Variants in MYRIP observed in about 807,000 individuals in gnomAD.
The protein encoded by MYRIP is myosin VIIA and Rab interacting protein.
A neutral mutation model predicts 98.0 loss-of-function variants in MYRIP; 49 were observed. The ratio of observed to expected loss-of-function variants is 0.50; its 90% CI spans 0.40 to 0.63. MYRIP has a LOEUF of 0.63. MYRIP is among the 30% of genes least tolerant of loss of function. The probability of loss-of-function intolerance (pLI) is 0.00; values close to 1 mark genes in which losing one functional copy is unlikely to be tolerated. For missense variants in MYRIP, 1,004 were observed against 1,058.2 expected (o/e 0.95, Z 0.71); for synonymous variants, 404 against 409.5 (o/e 0.99, Z 0.16).
chr3:39,817,928 A>T (rs1940974219), intron 1 of MYRIP, among the ~76,000 whole-genome samples: 1 of 152,198 alleles, frequency 6.6e-6, no homozygotes, highest in African/African-American at 2.4e-5. Flanking sequence ...TTCTCTGGTA[A>T]CAAGTATCCT....
intron 1 of MYRIP, among the ~76,000 whole-genome samples, chr3:39,875,603 G>T (rs1200396848): frequency 2.2e-4 from 33 of 151,500 alleles, no homozygotes; most frequent in Non-Finnish European, 4.4e-4. Flanking sequence ...TATGTACCCA[G>T]TAGTCATTCA....
chr3:40,105,756 A>T (rs1445372496), intron 3 of MYRIP, among the ~76,000 whole-genome samples: 1 of 152,156 alleles, frequency 6.6e-6, no homozygotes, highest in Admixed American at 6.5e-5. Flanking sequence ...CCTTCTTCAC[A>T]TGGCAGCAGA....
In MYRIP at chr3:39,990,020, G is replaced by A. The variant is rs114835657; in HGVS notation, c.111-54030G>A. Among the ~76,000 whole-genome samples the A allele has an allele frequency of 9.3e-3, 1,421 of 152,314 alleles. 22 individuals are homozygous for A. The highest frequency in any genetic ancestry group is 0.031 in the African/African-American group (1,307 of 41,560). On this transcript the variant is annotated intron_variant, in intron 2 of 16. Transcript: ENST00000302541. ...TAGACAGCAGGCAACTGCAGCTGTG[G>A]TGCTGATCACCCTCCCCCAGGAGCT...
chr3:40,246,854 G>A (rs1164058657), intron 13 of MYRIP, among the ~76,000 whole-genome samples: 1 of 152,092 alleles, frequency 6.6e-6, no homozygotes, highest in East Asian at 1.9e-4. Context: ...GAGAATGAAA[G>A]GGCACAATTC....
intron 2 of MYRIP, among the ~76,000 whole-genome samples, chr3:39,969,343 G>A (rs1263158536): frequency 6.6e-6 from 1 of 151,954 alleles, no homozygotes. Flanking sequence ...CCCTGACTAG[G>A]ACTTCCAATA....
At chr3:39,909,262 T>A (rs1335346611) in intron 2 of MYRIP, among the ~76,000 whole-genome samples, 1 of 152,200 alleles carries the variant, frequency 6.6e-6, no homozygotes, top group Non-Finnish European at 1.5e-5. Flanking sequence ...CTAGAAGGTA[T>A]CTCACAAGAT....
chr3:39,885,046 C>A (rs1222664757), intron 1 of MYRIP, among the ~76,000 whole-genome samples: 1 of 151,152 alleles, frequency 6.6e-6, no homozygotes, highest in African/African-American at 2.4e-5. Context: ...CATAGACTTA[C>A]CAGCATGATA....
intron 2 of MYRIP, among the ~76,000 whole-genome samples, chr3:40,017,527 T>C (rs564523599): frequency 6.6e-6 from 1 of 152,168 alleles, no homozygotes; most frequent in Non-Finnish European, 1.5e-5. Flanking sequence ...ATCTAATTAC[T>C]CATATTTGTA....
intron 2 of MYRIP, among the ~76,000 whole-genome samples, chr3:39,914,416 T>A (rs1944103587): frequency 6.6e-6 from 1 of 152,108 alleles, no homozygotes; most frequent in African/African-American, 2.4e-5. Context: ...GCCATATTAT[T>A]ACCAAAATGT....
intron 3 of MYRIP, among the ~76,000 whole-genome samples, chr3:40,107,610 G>T (rs1171054012): frequency 1.3e-5 from 2 of 152,102 alleles, no homozygotes; most frequent in Non-Finnish European, 2.9e-5. Context: ...CAGGTATAAG[G>T]CCCATGGTCT....
chr3:40,035,214 A>G (rs1473242822), intron 2 of MYRIP, among the ~76,000 whole-genome samples: 1 of 151,948 alleles, frequency 6.6e-6, no homozygotes, highest in Non-Finnish European at 1.5e-5. Flanking sequence ...CCTAAAACTT[A>G]AAGTATAATA....
At chr3:39,967,317 C>G (rs1418997788) in intron 2 of MYRIP, among the ~76,000 whole-genome samples, 1 of 152,104 alleles carries the variant, frequency 6.6e-6, no homozygotes, top group Non-Finnish European at 1.5e-5. Context: ...TCACTTAGCA[C>G]CCATTCATAA....
intron 1 of MYRIP, among the ~76,000 whole-genome samples, chr3:39,892,239 G>T (rs992783671): frequency 2.6e-5 from 4 of 152,162 alleles, no homozygotes; most frequent in South Asian, 2.1e-4. Context: ...GTGAAAACTG[G>T]TGAGAACCTG....
At chr3:40,039,618 C>T (rs1413375613) in intron 2 of MYRIP, among the ~76,000 whole-genome samples, 1 of 151,914 alleles carries the variant, frequency 6.6e-6, no homozygotes, top group East Asian at 1.9e-4. Context: ...ATATTGACCA[C>T]CAGGGATGGT....
At chr3:40,207,852 A>G (rs912760418) in intron 10 of MYRIP, among the ~76,000 whole-genome samples, 3 of 152,220 alleles carry the variant, frequency 2.0e-5, no homozygotes, top group Admixed American at 1.3e-4. Flanking sequence ...TTTCAATAAT[A>G]TAACCAATTT....
At chr3:40,244,369 G>T (rs923862935) in intron 12 of MYRIP, 77 bp from the exon 13 acceptor site, 5 of 1,356,682 alleles carry the variant, frequency 3.7e-6, no homozygotes, top group Non-Finnish European at 5.0e-6. Flanking sequence ...CCCCTGAATT[G>T]CTGGGGTCCC....
intron 2 of MYRIP, among the ~76,000 whole-genome samples, chr3:40,023,622 G>A (rs1207606600): frequency 2.0e-5 from 3 of 152,082 alleles, no homozygotes; most frequent in Non-Finnish European, 4.4e-5. Flanking sequence ...GAAAAATGAC[G>A]TCTCCCTTCC....
rs529169357 is a variant in MYRIP, at chr3:40,010,139, G to T, written c.111-33911G>T. ...CAGGCAGAATATCCAGGGTGCCTGAGGGAATGGAGCCAGAAAGAATGCAGC... is the reference window on the plus strand; with the variant it reads ...CAGGCAGAATATCCAGGGTGCCTGATGGAATGGAGCCAGAAAGAATGCAGC... On this transcript the variant is annotated intron_variant, in intron 2 of 16. Transcript: ENST00000302541. Among the ~76,000 whole-genome samples the T allele has an allele frequency of 2.0e-5, 3 of 152,350 alleles. No individual in the cohort carries two copies. The South Asian group carries it at 6.2e-4, about 32-fold the overall frequency.
chr3:39,917,041 A>G (rs949144890), intron 2 of MYRIP, among the ~76,000 whole-genome samples: 3 of 152,192 alleles, frequency 2.0e-5, no homozygotes, highest in Admixed American at 2.0e-4. Context: ...GCAATTGACT[A>G]AGTAACTGGT....
Sources: gnomAD v4.1 joint callset for allele counts (sites outside exome capture counted in the v4.1 genomes callset) on GRCh38, gnomAD v4.1.1 for gene constraint, MANE v1.5 for transcripts, NCBI Gene and HGNC (gene_info 2026-07-23, HGNC 2026-07-21) for gene names.